CNR2: variants seen among roughly 807,000 people sequenced by gnomAD.
CNR2 encodes cannabinoid receptor 2 (macrophage).
For missense variants in CNR2, 379 were observed against 439.9 expected, an observed-to-expected ratio of 0.86 and a Z score of 1.24; for synonymous variants, 172 against 182.2, an observed-to-expected ratio of 0.94 and a Z score of 0.45.
In CNR2 at chr1:23,874,093, AG is replaced by A. The variant is rs1289619497; in HGVS notation, c.*441del. 5 of 167,660 alleles carry A rather than the reference AG, an allele frequency of 3.0e-5. No homozygotes were observed. Among genetic ancestry groups the A allele is most frequent in the Admixed American group, 2.7e-4 (5 of 18,304 alleles). 10.4% of individuals were successfully genotyped at this position (167,660 alleles called of 1,614,324 possible). ...GGGGCCTTTCATAGCTCCAGAGCCA[AG>A]GAGGCCTTGACAATTAGGCAGAGAG... On this transcript the variant is annotated 3_prime_UTR_variant, in exon 2 of 2. Coordinates refer to ENST00000374472, the MANE Select transcript of CNR2 (RefSeq NM_001841.3).
At chr1:23,911,640 G>A (rs1051049187) in intron 1 of CNR2, among the ~76,000 whole-genome samples, 1 of 152,126 alleles carries the variant, frequency 6.6e-6, no homozygotes, top group Non-Finnish European at 1.5e-5. Context: ...CACACCCGAG[G>A]GTGTGCAGTA....
intron 1 of CNR2, among the ~76,000 whole-genome samples, chr1:23,897,988 T>C (rs1259122127): frequency 6.6e-6 from 1 of 152,092 alleles, no homozygotes; most frequent in East Asian, 1.9e-4. Context: ...TCCTTTTCTG[T>C]TGTTGTTCAA....
At chr1:23,908,908 G>A (rs1428046737) in intron 1 of CNR2, among the ~76,000 whole-genome samples, 1 of 152,134 alleles carries the variant, frequency 6.6e-6, no homozygotes, top group African/African-American at 2.4e-5. Flanking sequence ...GGGAGGCAAG[G>A]GAGCCTCTGA....
chr1:23,904,413 T>A (rs1312323211), intron 1 of CNR2, among the ~76,000 whole-genome samples: 1 of 152,138 alleles, frequency 6.6e-6, no homozygotes, highest in Admixed American at 6.5e-5. Flanking sequence ...TGACCTCAGG[T>A]GATCGGCCTG....
At chr1:23,892,179 C>A (rs1322305303) in intron 1 of CNR2, among the ~76,000 whole-genome samples, 2 of 152,162 alleles carry the variant, frequency 1.3e-5, no homozygotes, top group Non-Finnish European at 2.9e-5. Context: ...AAGGATGGTG[C>A]CTGCCCAGGC....
chr1:23,889,215 CTGAAGTGAAAGCG>C, intron 1 of CNR2, among the ~76,000 whole-genome samples: 1 of 152,064 alleles, frequency 6.6e-6, no homozygotes, highest in Non-Finnish European at 1.5e-5. Context: ...TTTTTCTAAC[CTGAAGTGAAAGCG>C]TGAAGTGAAA....
At chr1:23,899,974 GA>G (rs1557532768) in intron 1 of CNR2, among the ~76,000 whole-genome samples, 12 of 1,118 alleles carry the variant, frequency 0.011, no homozygotes, top group East Asian at 0.12. Context: ...AGAAAGAAAG[GA>G]AAGAAAGAAA....
chr1:23,910,248 A>G (rs1361140007), intron 1 of CNR2, among the ~76,000 whole-genome samples: 1 of 148,310 alleles, frequency 6.7e-6, no homozygotes, highest in East Asian at 2.0e-4. Flanking sequence ...GGTATGAGCC[A>G]CCATGCCCGG....
chr1:23,905,170 ACTTTT>A (rs764435371), intron 1 of CNR2, among the ~76,000 whole-genome samples: 15 of 148,660 alleles, frequency 1.0e-4, no homozygotes, highest in South Asian at 4.2e-4. Flanking sequence ...TCTGCACTTA[ACTTTT>A]CTTTTCTTTT....
intron 1 of CNR2, among the ~76,000 whole-genome samples, chr1:23,889,396 G>A (rs1054102242): frequency 6.6e-6 from 1 of 152,182 alleles, no homozygotes; most frequent in Non-Finnish European, 1.5e-5. Context: ...CCCCAACTGG[G>A]AGTAGGGAAG....
At chr1:23,912,218 G>A (rs1640599180) in intron 1 of CNR2, among the ~76,000 whole-genome samples, 1 of 152,204 alleles carries the variant, frequency 6.6e-6, no homozygotes, top group South Asian at 2.1e-4. Context: ...CTGGGATTCA[G>A]ACCTGGACGC....
At chr1:23,910,092 G>T (rs1419111594) in intron 1 of CNR2, among the ~76,000 whole-genome samples, 3 of 150,720 alleles carry the variant, frequency 2.0e-5, no homozygotes, top group African/African-American at 7.3e-5. Context: ...GGGACCACAG[G>T]CATGTGCCAC....
intron 1 of CNR2, among the ~76,000 whole-genome samples, chr1:23,891,832 G>A (rs1171582134): frequency 1.3e-5 from 2 of 151,946 alleles, no homozygotes; most frequent in Non-Finnish European, 2.9e-5. Flanking sequence ...GTCTGGGAGT[G>A]GAGTCATCTT....
intron 1 of CNR2, among the ~76,000 whole-genome samples, chr1:23,890,274 A>AAG (rs1640163739): frequency 7.4e-6 from 1 of 135,514 alleles, no homozygotes; most frequent in Non-Finnish European, 1.5e-5. Flanking sequence ...AAAAAAAAAA[A>AAG]GAAAAGAAAA....
intron 1 of CNR2, among the ~76,000 whole-genome samples, chr1:23,881,579 G>A (rs1458451881): frequency 7.8e-5 from 11 of 140,552 alleles, no homozygotes; most frequent in African/African-American, 3.0e-4. Context: ...GTGAAACCCT[G>A]TCTCAAAAAA....
chr1:23,878,968 A>G (rs1639933523), intron 1 of CNR2, among the ~76,000 whole-genome samples: 1 of 152,244 alleles, frequency 6.6e-6, no homozygotes, highest in Admixed American at 6.5e-5. Context: ...CACTGAAGGA[A>G]CATCTAAAGA....
At chr1:23,886,179 ACT>A (rs747649679) in intron 1 of CNR2, among the ~76,000 whole-genome samples, 3 of 103,666 alleles carry the variant, frequency 2.9e-5, no homozygotes, top group Non-Finnish European at 5.8e-5. Flanking sequence ...ACAGGGCGAG[ACT>A]CTATTTCAAA....
chr1:23,896,444 C>G (rs960305747), intron 1 of CNR2, among the ~76,000 whole-genome samples: 5 of 152,258 alleles, frequency 3.3e-5, no homozygotes, highest in African/African-American at 1.2e-4. Flanking sequence ...TTAGCTCAGG[C>G]CTAATACAGT....
chr1:23,905,851 G>A (rs1337190030), intron 1 of CNR2, among the ~76,000 whole-genome samples: 1 of 152,110 alleles, frequency 6.6e-6, no homozygotes, highest in African/African-American at 2.4e-5. Context: ...TTGGTCCCTG[G>A]GACCATAACA....
Sources: allele counts gnomAD v4.1 joint callset (sites outside exome capture counted in the v4.1 genomes callset), GRCh38; gene constraint gnomAD v4.1.1; transcripts MANE v1.5; gene names NCBI Gene and HGNC (gene_info 2026-07-23, HGNC 2026-07-21).